The following JAZF1 variants were observed in gnomAD, a reference collection of about 807,000 sequenced individuals.
JAZF1 encodes juxtaposed with another zinc finger protein 1.
In JAZF1, 8 loss-of-function variants were observed where a neutral mutation model predicts 26.4. That is an observed-to-expected ratio of 0.30 (90% CI 0.18 to 0.55). The LOEUF (loss-of-function observed/expected upper bound fraction) is 0.55. Ranked by LOEUF, JAZF1 falls within the 20% of genes least tolerant of loss-of-function variation. The pLI, the probability that JAZF1 is intolerant of heterozygous loss-of-function variation, is 0.94. For missense variants in JAZF1, 199 were observed against 322.0 expected (o/e 0.62, Z 2.92); for synonymous variants, 126 against 122.3 (o/e 1.03, Z -0.20).
At chr7:27,847,823 A>G (rs1275756479) in intron 3 of JAZF1, among the ~76,000 whole-genome samples, 1 of 152,086 alleles carries the variant, frequency 6.6e-6, no homozygotes, top group East Asian at 1.9e-4. Flanking sequence ...ACCAGCCACC[A>G]TGCCCAGCTA....
At chr7:28,079,817 G>A (rs886764562) in intron 1 of JAZF1, among the ~76,000 whole-genome samples, 1 of 152,058 alleles carries the variant, frequency 6.6e-6, no homozygotes, top group South Asian at 2.1e-4. Flanking sequence ...ATCGGTTTAC[G>A]AACCCTGCTG....
At chr7:27,923,456 C>T (rs2128348458) in intron 2 of JAZF1, among the ~76,000 whole-genome samples, 1 of 152,300 alleles carries the variant, frequency 6.6e-6, no homozygotes, top group South Asian at 2.1e-4. Flanking sequence ...AGTTGAATGT[C>T]AGACATTATT....
intron 4 of JAZF1, among the ~76,000 whole-genome samples, chr7:27,836,781 G>A (rs1467558668): frequency 6.6e-6 from 1 of 152,214 alleles, no homozygotes; most frequent in Non-Finnish European, 1.5e-5. Flanking sequence ...ACTGTGTCCA[G>A]CAAGTTGGGT....
At chr7:28,075,776 A>G (rs1185826899) in intron 1 of JAZF1, among the ~76,000 whole-genome samples, 1 of 152,196 alleles carries the variant, frequency 6.6e-6, no homozygotes, top group Admixed American at 6.5e-5. Context: ...AAGGCTGTGC[A>G]CTATTTTTAG....
chr7:27,930,376 T>A lies in JAZF1; in HGVS notation c.189-34960A>T, dbSNP rs553947177. 3.3e-5 allele frequency among the ~76,000 whole-genome samples: 5 copies of A among 152,286 alleles called. No homozygotes were observed. In the East Asian group the frequency reaches 9.6e-4, roughly 29 times the overall value. On this transcript the variant is annotated intron_variant, in intron 2 of 4. Coordinates refer to ENST00000283928, the MANE Select transcript of JAZF1 (RefSeq NM_175061.4). ...TTACAATACTAAAATGTATCTTACA[T>A]GAAAATATAAAGAAAATGGCTACGA...
chr7:28,115,716 C>T (rs1197420237), intron 1 of JAZF1, among the ~76,000 whole-genome samples: 2 of 152,118 alleles, frequency 1.3e-5, no homozygotes, highest in South Asian at 2.1e-4. Flanking sequence ...GTATTGCCCC[C>T]TGCCTCTTCC....
intron 1 of JAZF1, among the ~76,000 whole-genome samples, chr7:28,006,352 G>A (rs1472266770): frequency 6.6e-6 from 1 of 151,878 alleles, no homozygotes; most frequent in Admixed American, 6.6e-5. Flanking sequence ...CTGGGCAACA[G>A]AGCAAGACTG....
chr7:27,943,542 C>T (rs1205258651), intron 2 of JAZF1, among the ~76,000 whole-genome samples: 1 of 152,210 alleles, frequency 6.6e-6, no homozygotes, highest in Non-Finnish European at 1.5e-5. Context: ...TCATTACTTC[C>T]TCCACAGATG....
At chr7:27,940,141 C>T (rs902078609) in intron 2 of JAZF1, among the ~76,000 whole-genome samples, 1 of 152,216 alleles carries the variant, frequency 6.6e-6, no homozygotes, top group Non-Finnish European at 1.5e-5. Flanking sequence ...GCTGCGCCAG[C>T]CCTGAGCATG....
chr7:28,023,948 T>C (rs181583895), intron 1 of JAZF1, among the ~76,000 whole-genome samples: 1 of 152,042 alleles, frequency 6.6e-6, no homozygotes, highest in Admixed American at 6.6e-5. Context: ...TAGATAACAT[T>C]TAAGTTTAAG....
intron 1 of JAZF1, among the ~76,000 whole-genome samples, chr7:28,124,975 T>C (rs1236305619): frequency 1.3e-5 from 2 of 152,198 alleles, no homozygotes; most frequent in African/African-American, 4.8e-5. Context: ...AAATTTTAAT[T>C]GCACTGCATA....
chr7:28,147,410 C>A (rs776150482), intron 1 of JAZF1, among the ~76,000 whole-genome samples: 2 of 151,996 alleles, frequency 1.3e-5, no homozygotes, highest in Admixed American at 1.3e-4. Context: ...GAATAAGTAT[C>A]CAAGTACTCA....
intron 3 of JAZF1, among the ~76,000 whole-genome samples, chr7:27,888,393 TG>T (rs889852954): frequency 6.6e-6 from 1 of 152,236 alleles, no homozygotes; most frequent in Non-Finnish European, 1.5e-5. Context: ...TACTTTATTT[TG>T]GTTATCTTTT....
At chr7:27,836,899 CAG>C (rs769304076) in intron 4 of JAZF1, among the ~76,000 whole-genome samples, 5 of 152,120 alleles carry the variant, frequency 3.3e-5, no homozygotes, top group Non-Finnish European at 7.4e-5. Flanking sequence ...TAAAAAAGAA[CAG>C]ACACTATCAC....
rs147419238 is a variant in JAZF1 at position 28,009,962 on chromosome 7, G to A, written c.116-17981C>T. ...GCTCTTTATTGCTTACATGATAAGA[G>A]ATTTAGGTAAAACATAGAAGATCAT... is the stretch of plus-strand genomic sequence containing the variant. On this transcript the variant is annotated intron_variant, in intron 1 of 4. Transcript: ENST00000283928. Among the ~76,000 whole-genome samples, 833 of 152,282 alleles carry A rather than the reference G, an allele frequency of 5.5e-3. 8 individuals are homozygous for A. The highest frequency in any genetic ancestry group is 0.019 in the African/African-American group (790 of 41,554).
intron 3 of JAZF1, among the ~76,000 whole-genome samples, chr7:27,893,979 T>A (rs1365075301): frequency 6.6e-6 from 1 of 152,230 alleles, no homozygotes; most frequent in Admixed American, 6.5e-5. Flanking sequence ...AGCCCAATTG[T>A]TACAGATCCA....
In JAZF1 at chr7:27,895,248, G is replaced by A; in HGVS notation, c.357C>T (p.Ser119=). The change falls in exon 3 of 5, where the codon TCC becomes TCT. Residue 119 remains serine (S), a synonymous_variant. Coordinates refer to ENST00000283928, the MANE Select transcript of JAZF1 (RefSeq NM_175061.4). ...TCGGAGTGCTGCTGCGGAATGAAGA[G>A]GAGGGGGTGATGGGTGGGGTCACGG... ...TPPVTPPITP[S]SSFRSSTPTG... 6.2e-7 allele frequency: 1 copy of A among 1,607,466 alleles called. No homozygotes were observed. Among genetic ancestry groups the A allele is most frequent in the Non-Finnish European group, 8.5e-7 (1 of 1,177,264 alleles).
chr7:28,018,988 G>GTTCTTGAAGAAGT (rs1440183425), intron 1 of JAZF1, among the ~76,000 whole-genome samples: 1 of 152,156 alleles, frequency 6.6e-6, no homozygotes, highest in South Asian at 2.1e-4. Flanking sequence ...GAAGAAGCCT[G>GTTCTTGAAGAAGT]CCAAAGTCAC....
At chr7:27,978,498 T>C (rs1025075558) in intron 2 of JAZF1, among the ~76,000 whole-genome samples, 2 of 152,164 alleles carry the variant, frequency 1.3e-5, no homozygotes, top group African/African-American at 2.4e-5. Context: ...TCCCAGACGA[T>C]GATGAGTAAA....
Sources: gnomAD v4.1 joint callset for allele counts (sites outside exome capture counted in the v4.1 genomes callset) on GRCh38, gnomAD v4.1.1 for gene constraint, MANE v1.5 for transcripts, NCBI Gene and HGNC (gene_info 2026-07-23, HGNC 2026-07-21) for gene names.